CLDN10: variants seen among roughly 807,000 people sequenced by gnomAD.
CLDN10 encodes claudin-10.
Under a neutral mutation model 22.9 loss-of-function variants are expected in CLDN10, and 15 were observed. That is an observed-to-expected ratio of 0.65 (90% CI 0.44 to 1.01). CLDN10 has a LOEUF of 1.01. CLDN10 is among the 50% of genes least tolerant of loss of function. The pLI, the probability that CLDN10 is intolerant of heterozygous loss-of-function variation, is 0.00. For missense variants in CLDN10, 247 were observed against 287.8 expected, an observed-to-expected ratio of 0.86 and a Z score of 1.03; for synonymous variants, 114 against 111.4, an observed-to-expected ratio of 1.02 and a Z score of -0.15.
At chr13:95,515,357 C>T (rs1402053884) in intron 1 of CLDN10, among the ~76,000 whole-genome samples, 1 of 152,158 alleles carries the variant, frequency 6.6e-6, no homozygotes, top group Non-Finnish European at 1.5e-5. Flanking sequence ...CACCACCATG[C>T]CCGGCTAATT....
At chr13:95,456,717 A>C (rs1392948040) in intron 1 of CLDN10, among the ~76,000 whole-genome samples, 1 of 152,190 alleles carries the variant, frequency 6.6e-6, no homozygotes, top group Admixed American at 6.5e-5. Context: ...TCATCATGCC[A>C]CTACACTCCA....
intron 1 of CLDN10, among the ~76,000 whole-genome samples, chr13:95,502,715 C>T (rs7983483): frequency 0.06 from 9,159 of 152,146 alleles, 550 homozygotes; most frequent in African/African-American, 0.16. Context: ...CAGACAGGGT[C>T]TCACCATGTT....
At chr13:95,517,838 G>T in intron 1 of CLDN10, among the ~76,000 whole-genome samples, 1 of 150,736 alleles carries the variant, frequency 6.6e-6, no homozygotes, top group Non-Finnish European at 1.5e-5. Flanking sequence ...GGAGGGTAAG[G>T]CAGGAGAATC....
At chr13:95,452,073 C>G (rs1212350440) in intron 1 of CLDN10, among the ~76,000 whole-genome samples, 3 of 152,208 alleles carry the variant, frequency 2.0e-5, no homozygotes, top group African/African-American at 7.2e-5. Flanking sequence ...ATGATCTATT[C>G]TGGAATTTTC....
chr13:95,552,505 G>A (rs1235251526), upstream of CLDN10, among the ~76,000 whole-genome samples: 1 of 151,822 alleles, frequency 6.6e-6, no homozygotes, highest in Non-Finnish European at 1.5e-5. Context: ...CCTTCCTCCC[G>A]CACGCGGGCG....
intron 3 of CLDN10, 131 bp downstream of exon 3, chr13:95,560,594 T>A (rs1469720012): frequency 1.4e-6 from 1 of 689,818 alleles, no homozygotes; most frequent in Non-Finnish European, 2.4e-6. Context: ...ACTGATGACA[T>A]CATTCAAGAT....
chr13:95,465,361 C>G (rs576514279), intron 1 of CLDN10, among the ~76,000 whole-genome samples: 1 of 152,324 alleles, frequency 6.6e-6, no homozygotes, highest in Admixed American at 6.5e-5. Flanking sequence ...AACCATATCA[C>G]AGGTGTACCA....
rs143236316 is a variant in CLDN10, at chr13:95,556,577, T to C, written c.221-3555T>C. On this transcript the variant is annotated intron_variant, in intron 1 of 4. Transcript: ENST00000299339. ...CAGCAGACATCCATATTATTCATCC[T>C]GTGAAGGAGGTGCTGCCATCCCTGT... Among the ~76,000 whole-genome samples, 838 of 152,362 alleles carry C rather than the reference T, an allele frequency of 5.5e-3. 11 individuals carry two copies. Among genetic ancestry groups the C allele is most frequent in the African/African-American group, 0.019 (799 of 41,596 alleles).
chr13:95,520,027 T>C (rs866027061), intron 1 of CLDN10, among the ~76,000 whole-genome samples: 13 of 152,318 alleles, frequency 8.5e-5, no homozygotes, highest in Middle Eastern at 3.4e-3. Context: ...AGTGTGTGTG[T>C]GTGCACGTGC....
chr13:95,570,858 G>GTGTATGTATATATATATATATA (rs60359070), intron 3 of CLDN10, among the ~76,000 whole-genome samples: 1 of 119,704 alleles, frequency 8.4e-6, no homozygotes, highest in Non-Finnish European at 1.7e-5. Flanking sequence ...ATATACGTGT[G>GTGTATGTATATATATATATATA]TATATATATA....
At chr13:95,492,860 C>T (rs2042889217) in intron 1 of CLDN10, among the ~76,000 whole-genome samples, 1 of 152,204 alleles carries the variant, frequency 6.6e-6, no homozygotes, top group African/African-American at 2.4e-5. Flanking sequence ...TTCCTCTACC[C>T]TTGTATTTTG....
intron 1 of CLDN10, chr13:95,497,224 G>A (rs564845005): frequency 6.6e-6 from 1 of 152,234 alleles, no homozygotes; most frequent in African/African-American, 2.4e-5. Flanking sequence ...ACATATTATA[G>A]TGAATGAAAC....
At chr13:95,560,692 T>C (rs2043696858) in intron 3 of CLDN10, 2 of 516,850 alleles carry the variant, frequency 3.9e-6, no homozygotes, top group Admixed American at 6.9e-5. Context: ...GTTCAAGGCA[T>C]CAAATTTAGA....
At chr13:95,485,310 G>C (rs1488339308) in intron 1 of CLDN10, among the ~76,000 whole-genome samples, 1 of 151,944 alleles carries the variant, frequency 6.6e-6, no homozygotes, top group Admixed American at 6.6e-5. Flanking sequence ...TGCTTGGCTA[G>C]AGGACTTTAT....
intron 1 of CLDN10, among the ~76,000 whole-genome samples, chr13:95,517,566 CT>C (rs1193316180): frequency 1.3e-5 from 2 of 152,174 alleles, no homozygotes; most frequent in Non-Finnish European, 2.9e-5. Flanking sequence ...ATGATTGTAT[CT>C]TGACATCACA....
chr13:95,500,749 G>T (rs750187632), intron 1 of CLDN10, among the ~76,000 whole-genome samples: 35 of 152,136 alleles, frequency 2.3e-4, no homozygotes, highest in Admixed American at 4.6e-4. Flanking sequence ...CCAATAAGAA[G>T]CTAATGAAGG....
chr13:95,441,193 A>G (rs2042321447), intron 1 of CLDN10, among the ~76,000 whole-genome samples: 1 of 152,234 alleles, frequency 6.6e-6, no homozygotes, highest in Non-Finnish European at 1.5e-5. Context: ...AAGTTCTAGA[A>G]AAGGGAGAAA....
chr13:95,545,543 A>T (rs757883386), intron 1 of CLDN10, among the ~76,000 whole-genome samples: 2 of 152,144 alleles, frequency 1.3e-5, no homozygotes, highest in Non-Finnish European at 2.9e-5. Context: ...ATCTCAAAAC[A>T]TAAAAGAAAA....
chr13:95,444,329 G>A (rs564305703), intron 1 of CLDN10, among the ~76,000 whole-genome samples: 3 of 152,334 alleles, frequency 2.0e-5, no homozygotes, highest in African/African-American at 4.8e-5. Flanking sequence ...AATTGCAGAA[G>A]GCAGCAGGTC....
Sources: gnomAD v4.1 joint callset for allele counts (sites outside exome capture counted in the v4.1 genomes callset) on GRCh38, gnomAD v4.1.1 for gene constraint, MANE v1.5 for transcripts, NCBI Gene and HGNC (gene_info 2026-07-23, HGNC 2026-07-21) for gene names.